PCDH9: variants seen among roughly 807,000 people sequenced by gnomAD.
PCDH9 encodes protocadherin-9.
A neutral mutation model predicts 70.6 loss-of-function variants in PCDH9; 24 were observed. That is an observed-to-expected ratio of 0.34 (90% CI 0.25 to 0.48). The LOEUF (loss-of-function observed/expected upper bound fraction) is 0.48, where lower values mean the gene tolerates loss of function less well. PCDH9 is among the 20% of genes least tolerant of loss of function. The probability of loss-of-function intolerance (pLI) is 0.99; values close to 1 mark genes in which losing one functional copy is unlikely to be tolerated. For synonymous variants in PCDH9, 562 were observed against 558.5 expected, an observed-to-expected ratio of 1.01 and a Z score of -0.09; for missense variants, 1,281 against 1,503.6, an observed-to-expected ratio of 0.85 and a Z score of 2.45.
intron 4 of PCDH9, among the ~76,000 whole-genome samples, chr13:66,524,499 T>C (rs887539320): frequency 1.3e-5 from 2 of 151,994 alleles, no homozygotes; most frequent in Non-Finnish European, 2.9e-5. Flanking sequence ...CTGGAAAGGG[T>C]ACTGACAAAC....
At chr13:66,370,360 G>C (rs1007672085) in intron 4 of PCDH9, among the ~76,000 whole-genome samples, 2 of 151,894 alleles carry the variant, frequency 1.3e-5, no homozygotes, top group Non-Finnish European at 2.9e-5. Context: ...CCCTGCTACA[G>C]TTCTCCAGTA....
intron 4 of PCDH9, among the ~76,000 whole-genome samples, chr13:66,542,774 CAT>C (rs1349611832): frequency 6.9e-6 from 1 of 144,840 alleles, no homozygotes; most frequent in Non-Finnish European, 1.5e-5. Context: ...TATATTTAAA[CAT>C]ATATATATTT....
chr13:66,765,968 A>T (rs981189188), intron 3 of PCDH9, among the ~76,000 whole-genome samples: 2 of 152,066 alleles, frequency 1.3e-5, no homozygotes, highest in Admixed American at 1.3e-4. Context: ...ATCTAAAAAC[A>T]TGATATGTAT....
Position 66,503,491 on chromosome 13 carries a change from T to C in PCDH9, c.3340+127719A>G, listed in dbSNP as rs543624256. Among the ~76,000 whole-genome samples the C allele has an allele frequency of 1.5e-4, 23 of 152,336 alleles. 1 individual carries two copies. The East Asian group carries it at 3.9e-3, about 26-fold the overall frequency. ...CACAAATACTATTTGAAGAAACTAC[T>C]AGTGTTTATTTTTTCTTCTTTTAAT... On this transcript the variant is annotated intron_variant, in intron 4 of 4. Coordinates refer to ENST00000377865, the MANE Select transcript of PCDH9 (RefSeq NM_203487.3).
chr13:66,726,231 C>T (rs1248190494), intron 3 of PCDH9, among the ~76,000 whole-genome samples: 3 of 151,942 alleles, frequency 2.0e-5, no homozygotes, highest in Non-Finnish European at 1.5e-5. Context: ...GGAACAGTCA[C>T]CAAAATGTTC....
chr13:66,546,548 TA>T (rs944759618), intron 4 of PCDH9, among the ~76,000 whole-genome samples: 3 of 152,192 alleles, frequency 2.0e-5, no homozygotes, highest in African/African-American at 7.2e-5. Context: ...GTAAAAATGT[TA>T]AAAAAGATTG....
chr13:66,946,367 A>T (rs1027921000), intron 2 of PCDH9, among the ~76,000 whole-genome samples: 3 of 152,178 alleles, frequency 2.0e-5, no homozygotes, highest in Non-Finnish European at 2.9e-5. Context: ...TCCAAGCTGC[A>T]CACTTAAAAA....
At chr13:67,128,165 A>C (rs1048639860) in intron 2 of PCDH9, among the ~76,000 whole-genome samples, 1 of 152,198 alleles carries the variant, frequency 6.6e-6, no homozygotes, top group Non-Finnish European at 1.5e-5. Flanking sequence ...TACCTCGCCT[A>C]CAGTGAGAGT....
At chr13:66,656,611 G>A (rs999019454) in intron 3 of PCDH9, among the ~76,000 whole-genome samples, 1 of 149,706 alleles carries the variant, frequency 6.7e-6, no homozygotes, top group Non-Finnish European at 1.5e-5. Flanking sequence ...TGTTGCTTAA[G>A]AGCACTGGGG....
chr13:66,897,478 T>A (rs1269049905), intron 3 of PCDH9, among the ~76,000 whole-genome samples: 1 of 152,090 alleles, frequency 6.6e-6, no homozygotes, highest in Admixed American at 6.6e-5. Flanking sequence ...AAAAATGAAA[T>A]CAATTCACAT....
intron 3 of PCDH9, among the ~76,000 whole-genome samples, chr13:66,820,052 G>C (rs979923917): frequency 2.6e-5 from 4 of 152,022 alleles, no homozygotes; most frequent in African/African-American, 9.7e-5. Context: ...TAATTTTTAA[G>C]ATAAGTATGA....
At chr13:66,487,282 A>G (rs765560221) in intron 4 of PCDH9, among the ~76,000 whole-genome samples, 27 of 152,340 alleles carry the variant, frequency 1.8e-4, no homozygotes, top group Non-Finnish European at 3.2e-4. Context: ...CATAAATTAC[A>G]AGTACAAAAA....
At chr13:66,889,443 A>G (rs902790783) in intron 3 of PCDH9, among the ~76,000 whole-genome samples, 5 of 152,174 alleles carry the variant, frequency 3.3e-5, no homozygotes, top group Non-Finnish European at 7.4e-5. Context: ...GAGGGAAAGT[A>G]TTTGTGTTAA....
intron 4 of PCDH9, among the ~76,000 whole-genome samples, chr13:66,414,974 T>C (rs1957437371): frequency 6.6e-6 from 1 of 152,122 alleles, no homozygotes; most frequent in African/African-American, 2.4e-5. Context: ...ATAACTACCA[T>C]TGCTCAGAGG....
At chr13:66,396,477 G>T (rs921246051) in intron 4 of PCDH9, among the ~76,000 whole-genome samples, 1 of 152,088 alleles carries the variant, frequency 6.6e-6, no homozygotes, top group African/African-American at 2.4e-5. Flanking sequence ...AATGTCATTC[G>T]AACACTAATT....
intron 3 of PCDH9, among the ~76,000 whole-genome samples, chr13:66,797,384 A>G (rs542886620): frequency 6.6e-6 from 1 of 152,256 alleles, no homozygotes; most frequent in Non-Finnish European, 1.5e-5. Flanking sequence ...TAGGATTCCA[A>G]TTAGACTCCA....
intron 4 of PCDH9, among the ~76,000 whole-genome samples, chr13:66,595,448 A>G (rs889385318): frequency 1.2e-4 from 18 of 151,874 alleles, no homozygotes; most frequent in African/African-American, 4.1e-4. Context: ...ACATGGGTAT[A>G]ATGCATTGTA....
chr13:66,542,502 T>A (rs1335412346), intron 4 of PCDH9, among the ~76,000 whole-genome samples: 7 of 151,898 alleles, frequency 4.6e-5, no homozygotes, highest in Non-Finnish European at 1.0e-4. Flanking sequence ...AAGAAGAAGT[T>A]CTACTTCCAA....
At chr13:66,808,557 AG>A (rs2080447357) in intron 3 of PCDH9, among the ~76,000 whole-genome samples, 1 of 152,218 alleles carries the variant, frequency 6.6e-6, no homozygotes, top group African/African-American at 2.4e-5. Flanking sequence ...AACAGATTTG[AG>A]GACGTGTAAA....
Sources: allele counts gnomAD v4.1 joint callset (sites outside exome capture counted in the v4.1 genomes callset), GRCh38; gene constraint gnomAD v4.1.1; transcripts MANE v1.5; gene names NCBI Gene and HGNC (gene_info 2026-07-23, HGNC 2026-07-21).